The following NCEH1 variants were observed in gnomAD, a reference collection of about 807,000 sequenced individuals.
NCEH1 encodes the protein neutral cholesterol ester hydrolase 1.
NCEH1 carries 9 observed loss-of-function variants against 25.4 expected under a neutral mutation model. The ratio of observed to expected loss-of-function variants is 0.35; its 90% CI spans 0.21 to 0.62. NCEH1 has a LOEUF of 0.62. Among genes scored for constraint, NCEH1 ranks in the 20% least tolerant of loss-of-function variants. The probability of loss-of-function intolerance (pLI) is 0.72; values close to 1 mark genes in which losing one functional copy is unlikely to be tolerated. For synonymous variants in NCEH1, 200 were observed against 199.8 expected (o/e 1.00, Z -0.01); for missense variants, 412 against 501.1 (o/e 0.82, Z 1.70).
In NCEH1 at chr3:172,630,654, A is replaced by G. The variant is rs1716303528; in HGVS notation, c.*2821T>C. Reference sequence around the variant, plus strand: ...AAATGAGACGGGAAAATGAAAGCACATTCCCAGATGGAGCAATTTTATTTC... The same window carrying G: ...AAATGAGACGGGAAAATGAAAGCACGTTCCCAGATGGAGCAATTTTATTTC... On this transcript the variant is annotated 3_prime_UTR_variant, in exon 5 of 5. Coordinates refer to ENST00000475381, the MANE Select transcript of NCEH1 (RefSeq NM_020792.6). The G allele has an allele frequency of 1.3e-5, 2 of 152,258 alleles. No homozygotes were observed. Among genetic ancestry groups the G allele is most frequent in the African/African-American group, 4.8e-5 (2 of 41,480 alleles). 9.4% of individuals were successfully genotyped at this position (152,258 alleles called of 1,614,324 possible).
intron 1 of NCEH1, among the ~76,000 whole-genome samples, chr3:172,708,914 C>T (rs1235898054): frequency 1.3e-5 from 2 of 152,190 alleles, no homozygotes; most frequent in African/African-American, 2.4e-5. Context: ...TGAGGTGACA[C>T]TGGAAAATTG....
chr3:172,709,515 GA>G (rs750567460), intron 1 of NCEH1, among the ~76,000 whole-genome samples: 2 of 152,180 alleles, frequency 1.3e-5, no homozygotes, highest in African/African-American at 2.4e-5. Context: ...TAGGAAGCAA[GA>G]GGAAAAGAAG....
intron 1 of NCEH1, 30 bp from the exon 2 acceptor site, chr3:172,648,144 A>T: frequency 1.2e-6 from 2 of 1,612,784 alleles, no homozygotes; most frequent in Non-Finnish European, 1.7e-6. Context: ...ATAAAGAGGG[A>T]GGGCGCACGT....
intron 1 of NCEH1, among the ~76,000 whole-genome samples, chr3:172,681,982 T>C (rs1347992275): frequency 6.6e-6 from 1 of 152,052 alleles, no homozygotes; most frequent in African/African-American, 2.4e-5. Context: ...GATAAACATA[T>C]TCCCACTGCT....
intron 4 of NCEH1, among the ~76,000 whole-genome samples, chr3:172,635,694 G>A (rs1169533432): frequency 6.6e-6 from 1 of 152,046 alleles, no homozygotes; most frequent in Non-Finnish European, 1.5e-5. Flanking sequence ...TGTAATCAGG[G>A]ACTTTACAAA....
Position 172,667,295 on chromosome 3 carries a change from T to C in NCEH1, c.139-19181A>G, listed in dbSNP as rs1718260688. On this transcript the variant is annotated intron_variant, in intron 1 of 4. Transcript: ENST00000475381. ...GTAAGGGGATTTTAAGTACGGAAGT[T>C]AACCAGAACCATTTTTCTAGGAGTA... 1.3e-5 allele frequency among the ~76,000 whole-genome samples: 2 copies of C among 152,328 alleles called. 1 individual carries two copies. The highest frequency in any genetic ancestry group is 3.9e-4 in the East Asian group (2 of 5,184).
chr3:172,693,247 C>T (rs1271825609), intron 1 of NCEH1, among the ~76,000 whole-genome samples: 1 of 152,138 alleles, frequency 6.6e-6, no homozygotes, highest in Non-Finnish European at 1.5e-5. Flanking sequence ...CATCATTTTC[C>T]TCCATAAACA....
At chr3:172,683,710 A>T (rs1712536919) in intron 1 of NCEH1, among the ~76,000 whole-genome samples, 2 of 152,202 alleles carry the variant, frequency 1.3e-5, no homozygotes, top group Admixed American at 6.5e-5. Context: ...AGGATCAATC[A>T]GACTTGGTAA....
In NCEH1 at chr3:172,668,615, G is replaced by A. The variant is rs527843658; in HGVS notation, c.139-20501C>T. Reference sequence around the variant, plus strand: ...ATAGCTTCAGCCTTCATCAGCAACCGTGAGGAAAAGACAGAGGCCTTGGGT... The same window carrying A: ...ATAGCTTCAGCCTTCATCAGCAACCATGAGGAAAAGACAGAGGCCTTGGGT... On this transcript the variant is annotated intron_variant, in intron 1 of 4. Coordinates refer to ENST00000475381, the MANE Select transcript of NCEH1 (RefSeq NM_020792.6). Among the ~76,000 whole-genome samples the A allele has an allele frequency of 1.2e-4, 18 of 151,822 alleles. No individual in the cohort carries two copies. The East Asian group carries it at 1.9e-3, about 16-fold the overall frequency.
In NCEH1 at chr3:172,633,788, T is replaced by C; in HGVS notation, c.914A>G (p.Gln305Arg). 2 of 1,614,212 alleles carry C rather than the reference T, an allele frequency of 1.2e-6. No individual in the cohort carries two copies. Among genetic ancestry groups the C allele is most frequent in the South Asian group, 2.2e-5 (2 of 91,082 alleles). The change falls in exon 5 of 5, where the codon CAG (glutamine) becomes CGG (arginine). Residue 305 changes from glutamine (Q) to arginine (R), a missense_variant. Physicochemically the swap from Gln to Arg is conservative, Grantham distance 43. Transcript: ENST00000475381. The stretch of plus-strand genomic sequence containing the variant: ...GACAATCCTGGCATTGCCTGTGGTC[T>C]GTACAACAGGCTTGTAGTTCTTTGT... ...SFTKNYKPVV[Q>R]TTGNARIVQE...
chr3:172,641,951 A>C (rs1371166547), intron 3 of NCEH1, among the ~76,000 whole-genome samples: 1 of 152,082 alleles, frequency 6.6e-6, no homozygotes, highest in Non-Finnish European at 1.5e-5. Context: ...TCTACTTCCC[A>C]TCACTTATCA....
At chr3:172,648,434 AG>A (rs1717232572) in intron 1 of NCEH1, among the ~76,000 whole-genome samples, 1 of 152,184 alleles carries the variant, frequency 6.6e-6, no homozygotes, top group Admixed American at 6.5e-5. Flanking sequence ...TCCAGGATTC[AG>A]TACCTTTTTT....
chr3:172,707,223 C>CA (rs1411058598), intron 1 of NCEH1, among the ~76,000 whole-genome samples: 3 of 148,374 alleles, frequency 2.0e-5, no homozygotes, highest in African/African-American at 7.8e-5. Flanking sequence ...AGGACTTCCC[C>CA]AAACTCTCTT....
chr3:172,709,322 T>C (rs1455950686), intron 1 of NCEH1, among the ~76,000 whole-genome samples: 2 of 152,242 alleles, frequency 1.3e-5, no homozygotes, highest in African/African-American at 4.8e-5. Context: ...GTTTAAGTTA[T>C]TGTAGTAGAC....
At chr3:172,634,220 G>A in intron 4 of NCEH1, 128 bp from the exon 5 acceptor site, 1 of 854,828 alleles carries the variant, frequency 1.2e-6, no homozygotes, top group South Asian at 1.8e-5. Context: ...TTTCTACCAG[G>A]CACTGTATAA....
At chr3:172,700,164 T>C (rs1713600818) in intron 1 of NCEH1, among the ~76,000 whole-genome samples, 1 of 152,024 alleles carries the variant, frequency 6.6e-6, no homozygotes, top group Non-Finnish European at 1.5e-5. Flanking sequence ...CTATACAGAG[T>C]TGAATAATTG....
chr3:172,657,845 C>G (rs192613611), intron 1 of NCEH1, among the ~76,000 whole-genome samples: 3 of 152,204 alleles, frequency 2.0e-5, no homozygotes, highest in Non-Finnish European at 2.9e-5. Flanking sequence ...CTGCCATTCT[C>G]TTTGGCAATG....
chr3:172,655,752 T>C (rs1348431829), intron 1 of NCEH1, among the ~76,000 whole-genome samples: 1 of 152,212 alleles, frequency 6.6e-6, no homozygotes, highest in African/African-American at 2.4e-5. Context: ...GCACCATTTC[T>C]GGGAGGATTT....
At chr3:172,699,278 A>G (rs1030289018) in intron 1 of NCEH1, among the ~76,000 whole-genome samples, 2 of 152,226 alleles carry the variant, frequency 1.3e-5, no homozygotes, top group Non-Finnish European at 2.9e-5. Flanking sequence ...CAGATTCACG[A>G]GCTGAACTGT....
Sources: allele counts gnomAD v4.1 joint callset (sites outside exome capture counted in the v4.1 genomes callset), GRCh38; gene constraint gnomAD v4.1.1; transcripts MANE v1.5; gene names NCBI Gene and HGNC (gene_info 2026-07-23, HGNC 2026-07-21).